The following SEL1L3 variants were observed in gnomAD, a reference collection of about 807,000 sequenced individuals.
SEL1L3 encodes the protein protein sel-1 homolog 3.
Under a neutral mutation model 142.8 loss-of-function variants are expected in SEL1L3, and 76 were observed. The ratio of observed to expected loss-of-function variants is 0.53; its 90% CI spans 0.44 to 0.64. SEL1L3 has a LOEUF of 0.64. Ranked by LOEUF, SEL1L3 falls within the 30% of genes least tolerant of loss-of-function variation. The pLI, the probability that SEL1L3 is intolerant of heterozygous loss-of-function variation, is 0.00. For missense variants in SEL1L3, 1,262 were observed against 1,381.7 expected, an observed-to-expected ratio of 0.91 and a Z score of 1.37; for synonymous variants, 504 against 519.6, an observed-to-expected ratio of 0.97 and a Z score of 0.41.
chr4:25,725,194 G>C, the SEL1L3 span, among the ~76,000 whole-genome samples: 4 of 152,020 alleles, frequency 2.6e-5, no homozygotes, highest in South Asian at 6.2e-4. Context: ...TGGATCTTGC[G>C]CAAAAAAGAA....
chr4:25,795,015 T>A (rs148865081), intron 11 of SEL1L3, among the ~76,000 whole-genome samples: 1 of 117,804 alleles, frequency 8.5e-6, no homozygotes. Flanking sequence ...TGAGAATACA[T>A]GGACACAGGG....
intron 9 of SEL1L3, among the ~76,000 whole-genome samples, chr4:25,814,240 T>C (rs1457304401): frequency 2.6e-5 from 4 of 152,220 alleles, no homozygotes; most frequent in East Asian, 3.8e-4. Context: ...TGATGTTTTC[T>C]TTTACATTAG....
chr4:25,809,569 C>T (rs138906705), intron 9 of SEL1L3, among the ~76,000 whole-genome samples: 4 of 152,292 alleles, frequency 2.6e-5, no homozygotes, highest in African/African-American at 7.2e-5. Flanking sequence ...CAGGTATGAG[C>T]CTCCGCTCCT....
At chr4:25,828,687 G>A (rs1715249541) in intron 6 of SEL1L3, among the ~76,000 whole-genome samples, 1 of 151,888 alleles carries the variant, frequency 6.6e-6, no homozygotes, top group South Asian at 2.1e-4. Context: ...TAAAATGCCG[G>A]GCCAAGAGTT....
At chr4:25,827,896 C>T (rs969626740) in intron 6 of SEL1L3, among the ~76,000 whole-genome samples, 8 of 151,578 alleles carry the variant, frequency 5.3e-5, no homozygotes, top group Non-Finnish European at 7.4e-5. Flanking sequence ...CCTTTAATTT[C>T]TGGCCAGAGC....
chr4:25,795,740 T>C (rs1331215257), intron 11 of SEL1L3, among the ~76,000 whole-genome samples: 1 of 152,058 alleles, frequency 6.6e-6, no homozygotes, highest in Non-Finnish European at 1.5e-5. Context: ...AGTTCTGGGG[T>C]CACTACAATA....
chr4:25,791,108 G>T (rs984393659), intron 11 of SEL1L3, among the ~76,000 whole-genome samples: 3 of 152,216 alleles, frequency 2.0e-5, no homozygotes, highest in Non-Finnish European at 2.9e-5. Flanking sequence ...TGATTTCAGA[G>T]CCAGATTATA....
At chr4:25,774,305 C>T (rs1398912360) in intron 17 of SEL1L3, among the ~76,000 whole-genome samples, 1 of 152,166 alleles carries the variant, frequency 6.6e-6, no homozygotes, top group Non-Finnish European at 1.5e-5. Flanking sequence ...CTCTCGAAAC[C>T]TGTGGCCAGG....
At chr4:25,798,476 T>C (rs533830215) in intron 11 of SEL1L3, among the ~76,000 whole-genome samples, 1 of 152,244 alleles carries the variant, frequency 6.6e-6, no homozygotes, top group East Asian at 1.9e-4. Context: ...GTGATTCCAG[T>C]GTGCAGTGGT....
chr4:25,762,803 C>G (rs62411786), intron 20 of SEL1L3, among the ~76,000 whole-genome samples: 7,609 of 152,080 alleles, frequency 0.05, 214 homozygotes, highest in East Asian at 0.11. Flanking sequence ...CATGGTGAAA[C>G]CCCGTTTCTA....
At chr4:25,738,294 C>T in the SEL1L3 span, among the ~76,000 whole-genome samples, 1 of 152,150 alleles carries the variant, frequency 6.6e-6, no homozygotes, top group Non-Finnish European at 1.5e-5. Flanking sequence ...TTAAAGGCAT[C>T]TTTCTGGCTG....
intron 9 of SEL1L3, among the ~76,000 whole-genome samples, chr4:25,811,975 A>G (rs561522713): frequency 4.6e-4 from 70 of 152,140 alleles, no homozygotes; most frequent in African/African-American, 1.6e-3. Context: ...AGCTCATCTT[A>G]CTCTGCCTTG....
At chr4:25,779,950 C>T (rs982086012) in intron 15 of SEL1L3, among the ~76,000 whole-genome samples, 3 of 152,132 alleles carry the variant, frequency 2.0e-5, no homozygotes, top group African/African-American at 7.2e-5. Flanking sequence ...TCAGATAGCA[C>T]CTAGAGTGAA....
chr4:25,856,608 A>AC (rs1248945832), intron 1 of SEL1L3, among the ~76,000 whole-genome samples: 106 of 151,126 alleles, frequency 7.0e-4, no homozygotes, highest in African/African-American at 2.5e-3. Context: ...AAAAAAAAAA[A>AC]AAAAACAAAG....
chr4:25,729,907 A>G, the SEL1L3 span, among the ~76,000 whole-genome samples: 122 of 149,984 alleles, frequency 8.1e-4, no homozygotes, highest in African/African-American at 2.1e-3. Context: ...TTAAGTTGAC[A>G]TCTTTCTTCT....
intron 17 of SEL1L3, among the ~76,000 whole-genome samples, chr4:25,768,221 A>T (rs1718895426): frequency 6.6e-6 from 1 of 152,220 alleles, no homozygotes; most frequent in Non-Finnish European, 1.5e-5. Context: ...AAAGCTTTAT[A>T]GGGCTTAAGA....
At chr4:25,726,097 G>A in the SEL1L3 span, among the ~76,000 whole-genome samples, 56 of 152,054 alleles carry the variant, frequency 3.7e-4, 1 homozygote, top group African/African-American at 1.3e-3. Flanking sequence ...TGGTTTGAAC[G>A]CCTCTGATGA....
intron 23 of SEL1L3, among the ~76,000 whole-genome samples, chr4:25,751,904 T>C (rs866007393): frequency 2.0e-5 from 3 of 151,092 alleles, no homozygotes; most frequent in African/African-American, 7.3e-5. Context: ...AGGACATGAA[T>C]TGGAGACCAG....
At chr4:25,848,857 G>T (rs1422209133) in intron 1 of SEL1L3, among the ~76,000 whole-genome samples, 1 of 152,244 alleles carries the variant, frequency 6.6e-6, no homozygotes, top group Non-Finnish European at 1.5e-5. Flanking sequence ...CATATGATCA[G>T]ACTGGGCGTG....
Sources: allele counts gnomAD v4.1 joint callset (sites outside exome capture counted in the v4.1 genomes callset), GRCh38; gene constraint gnomAD v4.1.1; transcripts MANE v1.5; gene names NCBI Gene and HGNC (gene_info 2026-07-23, HGNC 2026-07-21).